PTPRN2: variants seen among roughly 807,000 people sequenced by gnomAD.
The protein encoded by PTPRN2 is protein tyrosine phosphatase receptor type N2.
A neutral mutation model predicts 118.8 loss-of-function variants in PTPRN2; 74 were observed. The observed-to-expected ratio is 0.62, with a 90% CI of 0.52 to 0.76. PTPRN2 has a LOEUF of 0.76. PTPRN2 is among the 30% of genes least tolerant of loss of function. The probability of loss-of-function intolerance (pLI) is 0.00; values close to 1 mark genes in which losing one functional copy is unlikely to be tolerated. For missense variants in PTPRN2, 1,481 were observed against 1,394.4 expected (o/e 1.06, Z -0.99); for synonymous variants, 641 against 608.0 (o/e 1.05, Z -0.80).
At chr7:158,339,994 A>T (rs1205636402) in intron 2 of PTPRN2, among the ~76,000 whole-genome samples, 2 of 82,862 alleles carry the variant, frequency 2.4e-5, no homozygotes, top group Non-Finnish European at 5.1e-5. Flanking sequence ...TGTCGCCCGC[A>T]GAAGTCACTC....
At position 158,133,717 on chromosome 7, in the gene PTPRN2, A is replaced by G. The variant is rs979137433; in HGVS notation, c.1516T>C (p.Ser506Pro). Residue 506 changes from serine to proline, a missense_variant, in exon 9 of 23, where the codon TCC becomes CCC. By Grantham distance (74) the Ser-to-Pro change is moderately conservative. Coordinates refer to ENST00000389418, the MANE Select transcript of PTPRN2 (RefSeq NM_002847.5). ...ATGTAGCCCCGCGCCTCTTCCTCGG[A>G]AGGCTGGACCTCCAATTGCAGGCCG... is the stretch of plus-strand genomic sequence containing the variant. The part of the protein sequence containing the change: ...SDGLQLEVQP[S>P]EEEARGYIVT... The G allele has an allele frequency of 2.9e-5, 47 of 1,608,936 alleles. No individual in the cohort carries two copies. The highest frequency in any genetic ancestry group is 3.9e-5 in the Non-Finnish European group (46 of 1,177,154).
chr7:158,520,456 C>A (rs375618430), intron 1 of PTPRN2, among the ~76,000 whole-genome samples: 1 of 152,202 alleles, frequency 6.6e-6, no homozygotes, highest in East Asian at 1.9e-4. Flanking sequence ...CTTCGGTAGA[C>A]AGTTTCTAGA....
Position 157,787,105 on chromosome 7 carries a change from CGG to C in PTPRN2, c.1789-104170_1789-104169del, listed in dbSNP as rs1804101912. ...GACGCGGGGGTGGCTGCCCGGGAGG[CGG>C]ACGCGGGTGCGGCGGGGGACGCGGG... On this transcript the variant is annotated intron_variant, in intron 12 of 22. Coordinates refer to ENST00000389418, the MANE Select transcript of PTPRN2 (RefSeq NM_002847.5). This position sits in a 1 kb window ranked among gnomAD's most constrained non-coding sequence, Gnocchi z 5.3. Among the ~76,000 whole-genome samples, 1 of 94,432 alleles carries C rather than the reference CGG, an allele frequency of 1.1e-5. No homozygotes were observed. Among genetic ancestry groups the C allele is most frequent in the African/African-American group, 4.1e-5 (1 of 24,402 alleles). 62.0% of individuals were successfully genotyped at this position (94,432 alleles called of 152,430 possible). A position where few individuals can be genotyped will look rare whatever the true frequency, so the allele number is the denominator to read the frequency against.
chr7:158,359,780 G>C (rs980771781), intron 2 of PTPRN2, among the ~76,000 whole-genome samples: 1 of 152,182 alleles, frequency 6.6e-6, no homozygotes, highest in Non-Finnish European at 1.5e-5. Flanking sequence ...ACATGATTAA[G>C]AATGGCAGCC....
At chr7:157,952,501 G>A (rs1263894024) in intron 11 of PTPRN2, among the ~76,000 whole-genome samples, 1 of 151,930 alleles carries the variant, frequency 6.6e-6, no homozygotes, top group African/African-American at 2.4e-5. Context: ...GGTGGGGAGG[G>A]AGACGCTGAC....
intron 12 of PTPRN2, among the ~76,000 whole-genome samples, chr7:157,773,488 C>G (rs1742859087): frequency 6.6e-6 from 1 of 152,234 alleles, no homozygotes; most frequent in Non-Finnish European, 1.5e-5. Context: ...GTGTCTTCAT[C>G]TGGGGAGAAG....
At chr7:157,703,081 C>G (rs1455225984) in intron 12 of PTPRN2, among the ~76,000 whole-genome samples, 1 of 152,204 alleles carries the variant, frequency 6.6e-6, no homozygotes, top group South Asian at 2.1e-4. Context: ...GAGCCTGTGG[C>G]AAAGGGAGTA....
intron 2 of PTPRN2, among the ~76,000 whole-genome samples, chr7:158,388,732 C>A (rs570482202): frequency 6.6e-6 from 1 of 152,300 alleles, no homozygotes; most frequent in South Asian, 2.1e-4. Flanking sequence ...TCTAATGGTG[C>A]CTTGGCCTTT....
Position 158,316,810 on chromosome 7 carries a change from C to A in PTPRN2, c.277+9G>T. The A allele has an allele frequency of 6.3e-7, 1 of 1,589,080 alleles. No homozygotes were observed. The highest frequency in any genetic ancestry group is 8.5e-7 in the Non-Finnish European group (1 of 1,172,782). On this transcript the variant is annotated intron_variant, in intron 3 of 22. Transcript: ENST00000389418. The stretch of plus-strand genomic sequence containing the variant: ...GCAGCCGCCGAGCCTCGGCCCACGC[C>A]CGCCCTACCTGTGCCGGAAAGCTTC...
At chr7:158,045,112 G>A (rs1245890384) in intron 11 of PTPRN2, among the ~76,000 whole-genome samples, 1 of 152,154 alleles carries the variant, frequency 6.6e-6, no homozygotes, top group Non-Finnish European at 1.5e-5. Context: ...GAATTGATCA[G>A]AGATTGATGC....
chr7:158,346,842 C>T (rs59074373), intron 2 of PTPRN2, among the ~76,000 whole-genome samples: 2,923 of 152,268 alleles, frequency 0.019, 89 homozygotes, highest in African/African-American at 0.066. Context: ...TTGCATTTCC[C>T]TAATGATTAG....
chr7:158,502,483 C>A (rs1451723169), intron 1 of PTPRN2, among the ~76,000 whole-genome samples: 2 of 152,218 alleles, frequency 1.3e-5, no homozygotes, highest in Non-Finnish European at 2.9e-5. Context: ...TCTGGACCAG[C>A]CCTGGACACA....
chr7:158,388,697 T>TG (rs1446007579), intron 2 of PTPRN2, among the ~76,000 whole-genome samples: 3 of 152,176 alleles, frequency 2.0e-5, no homozygotes, highest in South Asian at 4.1e-4. Flanking sequence ...CCCCAAGAGT[T>TG]GGGGGGGCCT....
intron 3 of PTPRN2, among the ~76,000 whole-genome samples, chr7:158,311,015 A>G (rs1367693604): frequency 6.6e-6 from 1 of 152,070 alleles, no homozygotes; most frequent in Non-Finnish European, 1.5e-5. Context: ...GGTGGATCTC[A>G]GCTCCTCTCA....
chr7:157,656,923 C>A (rs1272940055), intron 13 of PTPRN2, among the ~76,000 whole-genome samples: 1 of 132,744 alleles, frequency 7.5e-6, no homozygotes, highest in Admixed American at 7.5e-5. Context: ...CACACACACA[C>A]GCCACACACA....
chr7:158,033,984 G>A lies in PTPRN2; in HGVS notation c.1723+47314C>T, dbSNP rs188453322. ...CTGGCTGCACACTGAGACCTCAATA[G>A]AAACTCTGCACTCTGAGACCTGGGC... On this transcript the variant is annotated intron_variant, in intron 11 of 22. Coordinates refer to ENST00000389418, the MANE Select transcript of PTPRN2 (RefSeq NM_002847.5). Among the ~76,000 whole-genome samples the A allele has an allele frequency of 5.5e-3, 821 of 149,664 alleles. 10 individuals are homozygous for A. Among genetic ancestry groups the A allele is most frequent in the African/African-American group, 0.019 (773 of 40,302 alleles).
At chr7:157,841,379 C>T (rs955139563) in intron 12 of PTPRN2, among the ~76,000 whole-genome samples, 10 of 152,312 alleles carry the variant, frequency 6.6e-5, no homozygotes, top group South Asian at 2.1e-4. Flanking sequence ...ACTAACAGGT[C>T]GGCCTTCCTT....
rs969311613 is a variant in PTPRN2 at position 158,509,717 on chromosome 7, C to T, written c.113-19932G>A. Among the ~76,000 whole-genome samples, 1 of 152,222 alleles carries T rather than the reference C, an allele frequency of 6.6e-6. No individual in the cohort carries two copies. The highest frequency in any genetic ancestry group is 1.9e-4 in the East Asian group (1 of 5,194). On this transcript the variant is annotated intron_variant, in intron 1 of 22. Transcript: ENST00000389418. This position sits in a 1 kb window ranked among gnomAD's most constrained non-coding sequence, Gnocchi z 4.4. ...TCTGTCAGCGCCCACAGGCAGGTGG[C>T]CCAGGGGAGCAGGGCCTGTCCTTTG...
At chr7:158,137,694 CAGAG>C (rs529428639) in intron 7 of PTPRN2, among the ~76,000 whole-genome samples, 24 of 152,320 alleles carry the variant, frequency 1.6e-4, no homozygotes, top group African/African-American at 5.8e-4. Context: ...TGCACCCGTG[CAGAG>C]AGAGGGGCAC....
Sources: gnomAD v4.1 joint callset for allele counts (sites outside exome capture counted in the v4.1 genomes callset) on GRCh38, gnomAD v4.1.1 for gene constraint, Gnocchi (gnomAD v3.1) non-coding constraint, MANE v1.5 for transcripts, NCBI Gene and HGNC (gene_info 2026-07-23, HGNC 2026-07-21) for gene names.